VSTM2B: variants seen among roughly 807,000 people sequenced by gnomAD.
The protein encoded by VSTM2B is V-set and transmembrane domain-containing protein 2B.
A neutral mutation model predicts 24.0 loss-of-function variants in VSTM2B; 24 were observed. The observed-to-expected ratio is 1.00, with a 90% CI of 0.72 to 1.40. VSTM2B has a LOEUF of 1.40. VSTM2B is among the 40% of genes most tolerant of loss of function. The pLI, the probability that VSTM2B is intolerant of heterozygous loss-of-function variation, is 0.00. For synonymous variants in VSTM2B, 226 were observed against 194.4 expected (o/e 1.16, Z -1.35); for missense variants, 399 against 416.4 (o/e 0.96, Z 0.36).
At chr19:29,542,789 G>A (rs1970055601) in intron 4 of VSTM2B, among the ~76,000 whole-genome samples, 1 of 152,146 alleles carries the variant, frequency 6.6e-6, no homozygotes. Flanking sequence ...GGATGGGTGG[G>A]ATTGGGATTG....
intron 4 of VSTM2B, among the ~76,000 whole-genome samples, chr19:29,535,491 G>C (rs1969865796): frequency 6.6e-6 from 1 of 152,150 alleles, no homozygotes; most frequent in South Asian, 2.1e-4. Flanking sequence ...GATGTGGCAA[G>C]CTGCTGCTGG....
rs775005192 is a variant in VSTM2B at position 29,530,033 on chromosome 19, C to A, written c.512C>A (p.Pro171Gln). The A allele has an allele frequency of 2.0e-6, 3 of 1,528,134 alleles. No homozygotes were observed. The African/African-American group carries it at 4.2e-5, about 21-fold the overall frequency. The allele number at this position is 1,528,134 out of a possible 1,614,324, so 94.7% of individuals were successfully genotyped here. ...GTGTCCCACATCCAGAGCAGCGGCCCGCGTCGCCACGGCCCAGCCAGCGCC... is the reference window on the plus strand; with the variant it reads ...GTGTCCCACATCCAGAGCAGCGGCCAGCGTCGCCACGGCCCAGCCAGCGCC... ...EAVSHIQSSG[P>Q]RRHGPASAAN... is the part of the protein sequence containing the mutation. Residue 171 changes from proline (P) to glutamine (Q), a missense_variant, in exon 4 of 5, where the codon CCG becomes CAG. Physicochemically the swap from Pro to Gln is moderately conservative, Grantham distance 76. Coordinates refer to ENST00000335523, the MANE Select transcript of VSTM2B (RefSeq NM_001146339.2).
At chr19:29,551,487 C>G (rs1970285011) in intron 4 of VSTM2B, among the ~76,000 whole-genome samples, 1 of 152,076 alleles carries the variant, frequency 6.6e-6, no homozygotes, top group Non-Finnish European at 1.5e-5. Context: ...AGTAGAGATG[C>G]CCGTTGTGTT....
intron 3 of VSTM2B, among the ~76,000 whole-genome samples, chr19:29,529,506 C>G (rs535535331): frequency 6.6e-6 from 1 of 152,340 alleles, no homozygotes; most frequent in Non-Finnish European, 1.5e-5. Flanking sequence ...CTCTGCCCTT[C>G]TGAAGCGCCA....
chr19:29,536,569 C>T (rs146790516), intron 4 of VSTM2B, among the ~76,000 whole-genome samples: 2 of 152,316 alleles, frequency 1.3e-5, no homozygotes, highest in East Asian at 3.9e-4. Flanking sequence ...TTTTACTGAG[C>T]ACTTACTGTG....
chr19:29,560,576 G>C (rs972272261), intron 4 of VSTM2B, among the ~76,000 whole-genome samples: 1 of 152,222 alleles, frequency 6.6e-6, no homozygotes, highest in East Asian at 1.9e-4. Context: ...CAGCAACAGA[G>C]ACATAGCAGA....
Position 29,563,997 on chromosome 19 carries a change from G to A in VSTM2B, c.*63G>A. The A allele has an allele frequency of 7.5e-7, 1 of 1,339,634 alleles. No homozygotes were observed. The allele number at this position is 1,339,634 out of a possible 1,614,324, so 83.0% of individuals were successfully genotyped here. A position where few individuals can be genotyped will look rare whatever the true frequency, so the allele number is the denominator to read the frequency against. ...TGACCTGCCCGGGGCCCTCGGTGAG[G>A]ACCATGTCGCTGGATGGACACAGAG... is the stretch of plus-strand genomic sequence containing the variant. On this transcript the variant is annotated 3_prime_UTR_variant, in exon 5 of 5. Coordinates refer to ENST00000335523, the MANE Select transcript of VSTM2B (RefSeq NM_001146339.2).
At chr19:29,529,670 G>A (rs909973669) in intron 3 of VSTM2B, 149 bp from the exon 4 acceptor site, 45 of 787,872 alleles carry the variant, frequency 5.7e-5, no homozygotes, top group Non-Finnish European at 8.3e-5. Flanking sequence ...GGGTAGACGC[G>A]GGTGAAAGGG....
chr19:29,531,248 C>T (rs1373338506), intron 4 of VSTM2B, among the ~76,000 whole-genome samples: 2 of 152,202 alleles, frequency 1.3e-5, no homozygotes, highest in East Asian at 1.9e-4. Flanking sequence ...GTTGCTCCCT[C>T]CCTTGGCCCC....
intron 4 of VSTM2B, among the ~76,000 whole-genome samples, chr19:29,552,602 C>A (rs1200358485): frequency 6.6e-6 from 1 of 152,216 alleles, no homozygotes; most frequent in Non-Finnish European, 1.5e-5. Flanking sequence ...CCCGTGCCAC[C>A]AGGGCCTTGG....
At chr19:29,541,173 C>A (rs796605478) in intron 4 of VSTM2B, among the ~76,000 whole-genome samples, 54 of 152,296 alleles carry the variant, frequency 3.5e-4, no homozygotes, top group African/African-American at 1.2e-3. Context: ...GATCAGGAAG[C>A]TTTGACTTTA....
chr19:29,550,354 G>A (rs1003196251), intron 4 of VSTM2B, among the ~76,000 whole-genome samples: 2 of 152,234 alleles, frequency 1.3e-5, no homozygotes, highest in Non-Finnish European at 2.9e-5. Context: ...AGAATCACTT[G>A]AGCCTGGGAG....
chr19:29,530,650 C>T (rs1489956923), intron 4 of VSTM2B, among the ~76,000 whole-genome samples: 2 of 152,120 alleles, frequency 1.3e-5, no homozygotes, highest in Non-Finnish European at 2.9e-5. Context: ...CAGTACTCAG[C>T]CACCACCGGT....
In VSTM2B at chr19:29,530,250, A is replaced by G. The variant is rs1045366866; in HGVS notation, c.729A>G (p.Pro243=). 126 of 1,450,646 alleles carry G rather than the reference A, an allele frequency of 8.7e-5. No individual in the cohort carries two copies. Among genetic ancestry groups the G allele is most frequent in the Non-Finnish European group, 1.1e-4 (123 of 1,101,832 alleles). 89.9% of individuals were successfully genotyped at this position (1,450,646 alleles called of 1,614,324 possible). A position where few individuals can be genotyped will look rare whatever the true frequency, so the allele number is the denominator to read the frequency against. ...AAAAASSASP[P]SGQAVLLRQR... ...CTGCTGCCTCGTCAGCGTCGCCGCC[A>G]TCGGGACAGGCGGTCCTGCTGCGCC... is the stretch of plus-strand genomic sequence containing the variant. Residue 243 remains proline (P), a synonymous_variant, in exon 4 of 5, where the codon CCA becomes CCG. Transcript: ENST00000335523.
At chr19:29,559,886 G>A (rs915689180) in intron 4 of VSTM2B, among the ~76,000 whole-genome samples, 14 of 152,148 alleles carry the variant, frequency 9.2e-5, no homozygotes, top group African/African-American at 2.9e-4. Context: ...CACCACAGCC[G>A]TTTTTAGCTC....
Position 29,563,963 on chromosome 19 carries a change from G to A in VSTM2B, c.*29G>A. On this transcript the variant is annotated 3_prime_UTR_variant, in exon 5 of 5. Coordinates refer to ENST00000335523, the MANE Select transcript of VSTM2B (RefSeq NM_001146339.2). ...ACAAGACCAACCCGAGCATCTCAGA[G>A]GCCGCACATGACCTGCCCGGGGCCC... 1.3e-6 allele frequency: 2 copies of A among 1,545,828 alleles called. No individual in the cohort carries two copies. Among genetic ancestry groups the A allele is most frequent in the South Asian group, 1.2e-5 (1 of 83,942 alleles).
Position 29,551,480 on chromosome 19 carries a change from A to T in VSTM2B, c.770-12366A>T, listed in dbSNP as rs547870341. On this transcript the variant is annotated intron_variant, in intron 4 of 4. Coordinates refer to ENST00000335523, the MANE Select transcript of VSTM2B (RefSeq NM_001146339.2). The stretch of plus-strand genomic sequence containing the variant: ...GGTGGGGTGGGGGGCAGGGGGAAGT[A>T]GAGATGCCCGTTGTGTTCTTTGAGG... Among the ~76,000 whole-genome samples, 9 of 152,198 alleles carry T rather than the reference A, an allele frequency of 5.9e-5. No individual in the cohort carries two copies. The East Asian group carries it at 1.7e-3, about 29-fold the overall frequency.
At chr19:29,530,680 C>T (rs1343050068) in intron 4 of VSTM2B, among the ~76,000 whole-genome samples, 1 of 152,106 alleles carries the variant, frequency 6.6e-6, no homozygotes, top group African/African-American at 2.4e-5. Flanking sequence ...GAGCTATCCC[C>T]AGATGGGGGC....
rs1275409201 is a variant in VSTM2B at position 29,527,351 on chromosome 19, C to T, written c.223C>T (p.Leu75=). 1 of 1,547,214 alleles carries T rather than the reference C, an allele frequency of 6.5e-7. No homozygotes were observed. Among genetic ancestry groups the T allele is most frequent in the African/African-American group, 1.4e-5 (1 of 72,694 alleles). The change falls in exon 2 of 5, where the codon CTG becomes TTG. Residue 75 remains leucine (L), a synonymous_variant. Coordinates refer to ENST00000335523, the MANE Select transcript of VSTM2B (RefSeq NM_001146339.2). The part of the protein sequence containing the change: ...WWYLKEPPRE[L]LHELALSVPG... ...GTACCTCAAGGAGCCACCCCGGGAG[C>T]TGCTGCACGAGCTGGCGCTCAGCGT...
Sources: allele counts gnomAD v4.1 joint callset (sites outside exome capture counted in the v4.1 genomes callset), GRCh38; gene constraint gnomAD v4.1.1; transcripts MANE v1.5; gene names NCBI Gene and HGNC (gene_info 2026-07-23, HGNC 2026-07-21).